Variants in METTL15 observed in about 807,000 individuals in gnomAD.
The protein encoded by METTL15 is 12S rRNA N(4)-cytidine methyltransferase METTL15.
Under a neutral mutation model 38.3 loss-of-function variants are expected in METTL15, and 34 were observed. That is an observed-to-expected ratio of 0.89 (90% CI 0.68 to 1.18). The LOEUF (loss-of-function observed/expected upper bound fraction) is 1.18. Among genes scored for constraint, METTL15 ranks in the 50% most tolerant of loss-of-function variants. The pLI, the probability that METTL15 is intolerant of heterozygous loss-of-function variation, is 0.00. For missense variants in METTL15, 438 were observed against 498.4 expected (o/e 0.88, Z 1.15); for synonymous variants, 162 against 170.9 (o/e 0.95, Z 0.41).
chr11:28,139,398 G>GGA (rs975321182), intron 3 of METTL15, among the ~76,000 whole-genome samples: 10 of 152,270 alleles, frequency 6.6e-5, no homozygotes, highest in African/African-American at 2.4e-4. Flanking sequence ...GTTATGTGAG[G>GGA]GAGAGAGAGA....
At chr11:28,374,985 T>C (rs1188606431) in intron 5 of METTL15, among the ~76,000 whole-genome samples, 5 of 151,498 alleles carry the variant, frequency 3.3e-5, no homozygotes, top group Admixed American at 3.3e-4. Context: ...TTTGCATATA[T>C]TGAACCAGCC....
At chr11:28,433,131 C>T (rs1326568547) in intron 6 of METTL15, among the ~76,000 whole-genome samples, 5 of 151,214 alleles carry the variant, frequency 3.3e-5, no homozygotes, top group Admixed American at 6.6e-5. Context: ...TCCTTGCCTT[C>T]GCCTTGCAGG....
At chr11:28,240,418 G>A (rs1191476611) in intron 4 of METTL15, among the ~76,000 whole-genome samples, 1 of 152,110 alleles carries the variant, frequency 6.6e-6, no homozygotes, top group Non-Finnish European at 1.5e-5. Flanking sequence ...AATAACAATA[G>A]CTAACAAAAT....
chr11:28,360,479 C>G lies in METTL15; in HGVS notation c.*259-1458C>G, dbSNP rs997869282. 2.0e-5 allele frequency among the ~76,000 whole-genome samples: 3 copies of G among 152,210 alleles called. No individual in the cohort carries two copies. In the South Asian group the frequency reaches 6.2e-4, roughly 31 times the overall value. On this transcript the variant is annotated intron_variant and NMD_transcript_variant, in intron 4 of 7. Coordinates refer to the METTL15 transcript ENST00000532947. Reference sequence around the variant, plus strand: ...AAACCAAGGATCTATGAGATAGTCACTTCCCTTTGGAAGACAAGTAGTGGA... The same window carrying G: ...AAACCAAGGATCTATGAGATAGTCAGTTCCCTTTGGAAGACAAGTAGTGGA...
chr11:28,326,808 CAG>C (rs1849651092), intron 6 of METTL15, among the ~76,000 whole-genome samples: 1 of 151,800 alleles, frequency 6.6e-6, no homozygotes, highest in Admixed American at 6.6e-5. Context: ...TTTGTAGAGA[CAG>C]GGTTTCACCA....
chr11:28,376,127 A>G (rs531012531), intron 5 of METTL15, among the ~76,000 whole-genome samples: 1 of 151,596 alleles, frequency 6.6e-6, no homozygotes, highest in Non-Finnish European at 1.5e-5. Flanking sequence ...GTGGTGCTGA[A>G]AAAAATGTAT....
rs571006238 is a variant in METTL15, at chr11:28,458,424, C to T, written c.*424+34060C>T. ...GGGACTTAGATATCCATAAAACTTG[C>T]CCAATGTTTTATAGCTCCCAAGTAG... On this transcript the variant is annotated intron_variant and NMD_transcript_variant, in intron 6 of 7. Coordinates refer to the METTL15 transcript ENST00000532947. Among the ~76,000 whole-genome samples, 95 of 152,244 alleles carry T rather than the reference C, an allele frequency of 6.2e-4. 1 individual carries two copies. The highest frequency in any genetic ancestry group is 2.2e-3 in the African/African-American group (91 of 41,532).
chr11:28,218,948 G>A (rs1853046381), intron 4 of METTL15, among the ~76,000 whole-genome samples: 1 of 152,124 alleles, frequency 6.6e-6, no homozygotes, highest in East Asian at 1.9e-4. Context: ...ATGTGTTGCT[G>A]GATTCGGTTT....
intron 5 of METTL15, among the ~76,000 whole-genome samples, chr11:28,422,414 G>A (rs1212401415): frequency 6.6e-6 from 1 of 151,824 alleles, no homozygotes; most frequent in Non-Finnish European, 1.5e-5. Context: ...TACTGGAGGA[G>A]TTATGTTGCT....
chr11:28,376,413 T>C (rs947507725), intron 5 of METTL15, among the ~76,000 whole-genome samples: 7 of 152,140 alleles, frequency 4.6e-5, no homozygotes, highest in African/African-American at 1.7e-4. Flanking sequence ...CCTTTACCAT[T>C]ATGTAATGGC....
intron 3 of METTL15, chr11:28,125,445 A>G (rs1383539219): frequency 6.6e-6 from 1 of 152,032 alleles, no homozygotes; most frequent in Admixed American, 6.6e-5. Context: ...TCTGAGTTCT[A>G]TGCAGTTGGA....
chr11:28,138,389 C>T (rs563273305), intron 3 of METTL15, among the ~76,000 whole-genome samples: 34 of 152,144 alleles, frequency 2.2e-4, no homozygotes, highest in Non-Finnish European at 3.5e-4. Flanking sequence ...CCTTTTAAAT[C>T]CCTCATTACC....
In METTL15 at chr11:28,506,736, CTTTTTTTTTTTT is replaced by C. The variant is rs71449180; in HGVS notation, c.*425-19727_*425-19716del. ...CTGAATTGCTAATCAATCTCAGTCT[CTTTTTTTTTTTT>C]TTTTTTTTTTTTTTGAGACAGAGTC... On this transcript the variant is annotated intron_variant and NMD_transcript_variant, in intron 6 of 7. Coordinates refer to the METTL15 transcript ENST00000532947. Among the ~76,000 whole-genome samples, 328 of 111,616 alleles carry C rather than the reference CTTTTTTTTTTTT, an allele frequency of 2.9e-3. 2 individuals are homozygous for C. Among genetic ancestry groups the C allele is most frequent in the African/African-American group, 0.011 (294 of 27,608 alleles). 73.2% of individuals were successfully genotyped at this position (111,616 alleles called of 152,430 possible).
At chr11:28,113,155 T>A (rs1391239631) in intron 2 of METTL15, among the ~76,000 whole-genome samples, 163 bp from the exon 3 acceptor site, 1 of 152,132 alleles carries the variant, frequency 6.6e-6, no homozygotes, top group Non-Finnish European at 1.5e-5. Flanking sequence ...TTGCTTTGTA[T>A]ATATAAGAAG....
chr11:28,327,375 C>G (rs945340399), intron 6 of METTL15, among the ~76,000 whole-genome samples: 9 of 152,224 alleles, frequency 5.9e-5, no homozygotes, highest in African/African-American at 9.6e-5. Context: ...TATATCCATT[C>G]TGCATGACTT....
At chr11:28,133,172 TG>T (rs1276430927) in intron 3 of METTL15, among the ~76,000 whole-genome samples, 6 of 152,206 alleles carry the variant, frequency 3.9e-5, no homozygotes, top group Non-Finnish European at 8.8e-5. Flanking sequence ...TTTTGTTTCT[TG>T]GAATATTTAG....
intron 3 of METTL15, among the ~76,000 whole-genome samples, chr11:28,171,631 G>C (rs1850860743): frequency 6.6e-6 from 1 of 152,046 alleles, no homozygotes; most frequent in Non-Finnish European, 1.5e-5. Context: ...AGCATCATTT[G>C]AGCAATGCTA....
chr11:28,160,827 C>A (rs758975695), intron 3 of METTL15, among the ~76,000 whole-genome samples: 2 of 151,982 alleles, frequency 1.3e-5, no homozygotes, highest in African/African-American at 2.4e-5. Context: ...AAATTTTCAT[C>A]CCTTTAATAA....
chr11:28,431,794 AAAAAAAAAAAAAAG>A lies in METTL15; in HGVS notation c.*424+7444_*424+7457del, dbSNP rs1325687383. Among the ~76,000 whole-genome samples the A allele has an allele frequency of 7.0e-3, 200 of 28,652 alleles. 1 individual carries two copies. The highest frequency in any genetic ancestry group is 0.034 in the Middle Eastern group (2 of 58). The allele number at this position is 28,652 out of a possible 152,430, so 18.8% of individuals were successfully genotyped here. ...TTATCAATAAAAAAATAAATTTAAA[AAAAAAAAAAAAAAG>A]AAAAAAAAAAAAAAAGAAGAGTAAA... On this transcript the variant is annotated intron_variant and NMD_transcript_variant, in intron 6 of 7. Coordinates refer to the METTL15 transcript ENST00000532947.
Sources: allele counts gnomAD v4.1 joint callset (sites outside exome capture counted in the v4.1 genomes callset), GRCh38; gene constraint gnomAD v4.1.1; transcripts MANE v1.5; gene names NCBI Gene and HGNC (gene_info 2026-07-23, HGNC 2026-07-21).